The following SV2B variants were observed in gnomAD, a reference collection of about 807,000 sequenced individuals.
SV2B encodes synaptic vesicle glycoprotein 2B.
Under a neutral mutation model 73.9 loss-of-function variants are expected in SV2B, and 41 were observed. That is an observed-to-expected ratio of 0.56 (90% CI 0.43 to 0.72). The LOEUF is 0.72. Among genes scored for constraint, SV2B ranks in the 30% least tolerant of loss-of-function variants. The pLI is 0.00. For missense variants in SV2B, 764 were observed against 857.8 expected, an observed-to-expected ratio of 0.89 and a Z score of 1.37; for synonymous variants, 314 against 314.2, an observed-to-expected ratio of 1.00 and a Z score of 0.01.
chr15:91,198,814 C>T (rs1440687967), intron 1 of SV2B, among the ~76,000 whole-genome samples: 1 of 152,176 alleles, frequency 6.6e-6, no homozygotes, highest in Non-Finnish European at 1.5e-5. Flanking sequence ...GACCCAGAGT[C>T]CTGTTGCTGT....
chr15:91,178,557 C>A (rs1278423683), intron 1 of SV2B, among the ~76,000 whole-genome samples: 1 of 152,118 alleles, frequency 6.6e-6, no homozygotes, highest in African/African-American at 2.4e-5. Flanking sequence ...TTGATTATTG[C>A]CACAATTTCA....
chr15:91,167,120 TTTTA>T (rs1034947246), intron 1 of SV2B, among the ~76,000 whole-genome samples: 70 of 152,184 alleles, frequency 4.6e-4, no homozygotes, highest in African/African-American at 6.3e-4. Context: ...GCCGTATAGT[TTTTA>T]TTTCTGTGCT....
chr15:91,178,378 C>G (rs1285779485), intron 1 of SV2B, among the ~76,000 whole-genome samples: 4 of 149,620 alleles, frequency 2.7e-5, no homozygotes, highest in Non-Finnish European at 5.9e-5. Flanking sequence ...CTCTGCCAGC[C>G]TTTCGTATCA....
intron 10 of SV2B, among the ~76,000 whole-genome samples, chr15:91,282,404 A>G (rs138042044): frequency 8.9e-4 from 136 of 152,324 alleles, no homozygotes; most frequent in African/African-American, 3.1e-3. Flanking sequence ...CCAAAATTCT[A>G]CCACTACACC....
chr15:91,211,650 C>T (rs1167871782), intron 1 of SV2B, among the ~76,000 whole-genome samples: 2 of 151,722 alleles, frequency 1.3e-5, no homozygotes, highest in African/African-American at 4.8e-5. Flanking sequence ...ATTACAGGTG[C>T]CCACCACCAC....
chr15:91,195,092 A>G (rs898301030), intron 1 of SV2B, among the ~76,000 whole-genome samples: 2 of 152,226 alleles, frequency 1.3e-5, no homozygotes, highest in African/African-American at 4.8e-5. Context: ...TTGTTACCAC[A>G]GCATAACCTA....
chr15:91,221,159 C>T (rs892421918), intron 1 of SV2B, among the ~76,000 whole-genome samples: 5 of 152,166 alleles, frequency 3.3e-5, no homozygotes, highest in African/African-American at 1.2e-4. Flanking sequence ...AGCCCTCATG[C>T]CCAGACAATA....
At position 91,284,602 on chromosome 15, in the gene SV2B, G is replaced by A. The variant is rs1440021501; in HGVS notation, c.1708+381G>A. On this transcript the variant is annotated intron_variant, in intron 11 of 12. Coordinates refer to ENST00000394232, the MANE Select transcript of SV2B (RefSeq NM_001323032.3). The surrounding 1 kb of genome is among the most constrained non-coding windows in gnomAD (Gnocchi z 4.5). ...GGTTTGATGTTTGAAGATAAATTGT[G>A]TTACTTTTATTATTTAATAGCAATA... Among the ~76,000 whole-genome samples, 1 of 152,216 alleles carries A rather than the reference G, an allele frequency of 6.6e-6. No homozygotes were observed. Among genetic ancestry groups the A allele is most frequent in the Non-Finnish European group, 1.5e-5 (1 of 68,032 alleles).
chr15:91,102,719 G>A (rs1490477939), intron 1 of SV2B, among the ~76,000 whole-genome samples: 1 of 152,236 alleles, frequency 6.6e-6, no homozygotes, highest in East Asian at 1.9e-4. Context: ...TGAGAGGACT[G>A]GGGAGTGCTG....
intron 1 of SV2B, among the ~76,000 whole-genome samples, chr15:91,167,923 C>A (rs1415049413): frequency 1.3e-5 from 2 of 152,148 alleles, no homozygotes; most frequent in Non-Finnish European, 2.9e-5. Flanking sequence ...GGCTGACCTA[C>A]CTCCTGTAGG....
chr15:91,186,694 C>T (rs556545974), intron 1 of SV2B, among the ~76,000 whole-genome samples: 74 of 152,102 alleles, frequency 4.9e-4, no homozygotes, highest in Non-Finnish European at 9.4e-4. Flanking sequence ...GAATAAGAGA[C>T]GCTGGAGACT....
At chr15:91,203,674 T>TGGAG (rs1160061481) in intron 1 of SV2B, among the ~76,000 whole-genome samples, 12 of 152,324 alleles carry the variant, frequency 7.9e-5, no homozygotes, top group African/African-American at 2.9e-4. Context: ...TTGAGAAGAA[T>TGGAG]GGAGGGTACA....
chr15:91,191,475 A>C (rs2141352946), intron 1 of SV2B, among the ~76,000 whole-genome samples: 1 of 152,186 alleles, frequency 6.6e-6, no homozygotes. Flanking sequence ...TTGTTAAGCC[A>C]GTTTAGCAAA....
At chr15:91,120,289 G>GGA (rs1193793902) in intron 1 of SV2B, among the ~76,000 whole-genome samples, 2 of 152,140 alleles carry the variant, frequency 1.3e-5, no homozygotes, top group East Asian at 1.9e-4. Context: ...CATGGTGGCA[G>GGA]GAGAGAGAGA....
rs372634659 is a variant in SV2B, at chr15:91,245,372, C to T, written c.452-6447C>T. Among the ~76,000 whole-genome samples, 4 of 152,300 alleles carry T rather than the reference C, an allele frequency of 2.6e-5. No homozygotes were observed. In the East Asian group the frequency reaches 7.7e-4, roughly 29 times the overall value. On this transcript the variant is annotated intron_variant, in intron 2 of 12. Transcript: ENST00000394232. The surrounding 1 kb of genome is among the most constrained non-coding windows in gnomAD (Gnocchi z 4.2). ...TTAAGTGAAAAGCTAGACTATGAAG[C>T]TTTCGAGACAGAAAGATTTCTATCG... is the stretch of plus-strand genomic sequence containing the variant.
At chr15:91,188,092 G>C (rs1487532151) in intron 1 of SV2B, among the ~76,000 whole-genome samples, 1 of 151,402 alleles carries the variant, frequency 6.6e-6, no homozygotes, top group Non-Finnish European at 1.5e-5. Flanking sequence ...TTATCCATAA[G>C]TTTTTCTATA....
At chr15:91,251,174 A>G (rs2047466933) in intron 2 of SV2B, among the ~76,000 whole-genome samples, 1 of 152,256 alleles carries the variant, frequency 6.6e-6, no homozygotes. Flanking sequence ...GATTTCCAAC[A>G]AAAGTGCCAA....
chr15:91,221,150 G>A (rs1305109192), intron 1 of SV2B, among the ~76,000 whole-genome samples: 1 of 152,124 alleles, frequency 6.6e-6, no homozygotes, highest in South Asian at 2.1e-4. Context: ...ACAGGTGTGA[G>A]CCCTCATGCC....
intron 1 of SV2B, among the ~76,000 whole-genome samples, chr15:91,142,639 C>T (rs981916342): frequency 6.6e-6 from 1 of 152,264 alleles, no homozygotes; most frequent in African/African-American, 2.4e-5. Context: ...TAACAACAGC[C>T]CTATTCTATT....
Sources: allele counts gnomAD v4.1 joint callset (sites outside exome capture counted in the v4.1 genomes callset), GRCh38; gene constraint gnomAD v4.1.1; non-coding constraint Gnocchi (gnomAD v3.1); transcripts MANE v1.5; gene names NCBI Gene and HGNC (gene_info 2026-07-23, HGNC 2026-07-21).